The following GABBR2 variants were observed in gnomAD, a reference collection of about 807,000 sequenced individuals.
GABBR2 encodes gamma-aminobutyric acid type B receptor subunit 2, also known as G-protein coupled receptor 51.
GABBR2 carries 23 observed loss-of-function variants against 105.6 expected under a neutral mutation model. The ratio of observed to expected loss-of-function variants is 0.22; its 90% CI spans 0.16 to 0.31. The LOEUF (loss-of-function observed/expected upper bound fraction) is 0.31. Among genes scored for constraint, GABBR2 ranks in the 10% least tolerant of loss-of-function variants. GABBR2 has a pLI of 1.00. For missense variants in GABBR2, 734 were observed against 1,245.5 expected, an observed-to-expected ratio of 0.59 and a Z score of 6.18; for synonymous variants, 478 against 499.7, an observed-to-expected ratio of 0.96 and a Z score of 0.58.
At chr9:98,303,775 G>A (rs10119420) in intron 15 of GABBR2, among the ~76,000 whole-genome samples, 2,215 of 152,326 alleles carry the variant, frequency 0.015, 56 homozygotes, top group African/African-American at 0.049. Flanking sequence ...AATAAGCCCC[G>A]AGGGCAACAG....
chr9:98,406,062 T>C lies in GABBR2; in HGVS notation c.1297+19A>G. The C allele has an allele frequency of 7.4e-7, 1 of 1,343,972 alleles. No individual in the cohort carries two copies. The highest frequency in any genetic ancestry group is 1.1e-6 in the Non-Finnish European group (1 of 937,074). 83.3% of individuals were successfully genotyped at this position (1,343,972 alleles called of 1,614,324 possible). On this transcript the variant is annotated intron_variant, in intron 8 of 18. Coordinates refer to ENST00000259455, the MANE Select transcript of GABBR2 (RefSeq NM_005458.8). ...TCTAAATTTTATCAGCTAGAAAGAATAAGCATCAAAATGCCTACCTTGAAA... is the reference window on the plus strand; with the variant it reads ...TCTAAATTTTATCAGCTAGAAAGAACAAGCATCAAAATGCCTACCTTGAAA...
intron 1 of GABBR2, among the ~76,000 whole-genome samples, chr9:98,682,156 G>A (rs1294836304): frequency 1.3e-5 from 2 of 151,638 alleles, no homozygotes; most frequent in African/African-American, 4.8e-5. Flanking sequence ...GAACCCGGGA[G>A]GTGGAGGCTG....
At position 98,684,164 on chromosome 9, in the gene GABBR2, C is replaced by T. The variant is rs540997771; in HGVS notation, c.321+24253G>A. Among the ~76,000 whole-genome samples, 95 of 9,588 alleles carry T rather than the reference C, an allele frequency of 9.9e-3. 1 individual carries two copies. Among genetic ancestry groups the T allele is most frequent in the South Asian group, 0.022 (12 of 558 alleles). The allele number at this position is 9,588 out of a possible 152,430, so 6.3% of individuals were successfully genotyped here. A position where few individuals can be genotyped will look rare whatever the true frequency, so the allele number is the denominator to read the frequency against. ...AGGAAAAAAGAAGAATGCATTTTAC[C>T]ACGGTAAAAAAAAAAAAAAAAAAAA... On this transcript the variant is annotated intron_variant, in intron 1 of 18. Coordinates refer to ENST00000259455, the MANE Select transcript of GABBR2 (RefSeq NM_005458.8).
intron 1 of GABBR2, among the ~76,000 whole-genome samples, chr9:98,604,136 G>A (rs941495284): frequency 6.6e-6 from 1 of 152,148 alleles, no homozygotes; most frequent in Non-Finnish European, 1.5e-5. Context: ...CTTCCCAAGC[G>A]CTATTCCAGA....
intron 1 of GABBR2, among the ~76,000 whole-genome samples, chr9:98,678,661 A>G (rs1247296653): frequency 1.3e-5 from 2 of 152,208 alleles, no homozygotes; most frequent in African/African-American, 4.8e-5. Flanking sequence ...ATTAGTGCAT[A>G]CGGGGAGGTG....
chr9:98,508,216 C>T (rs553356214), intron 3 of GABBR2, among the ~76,000 whole-genome samples: 163 of 152,288 alleles, frequency 1.1e-3, no homozygotes, highest in Non-Finnish European at 1.1e-3. Flanking sequence ...AACTAGAAGA[C>T]GGATATTAAG....
chr9:98,503,602 T>C (rs975362440), intron 3 of GABBR2, among the ~76,000 whole-genome samples: 6 of 152,028 alleles, frequency 3.9e-5, no homozygotes, highest in Admixed American at 3.9e-4. Context: ...GGCTTGGGGG[T>C]ACATTCAGGA....
chr9:98,309,555 A>G (rs969590028), intron 14 of GABBR2, among the ~76,000 whole-genome samples: 1 of 152,194 alleles, frequency 6.6e-6, no homozygotes, highest in African/African-American at 2.4e-5. Flanking sequence ...TTACATGGAG[A>G]TGGAGTCTGC....
At chr9:98,693,908 G>A (rs577367758) in intron 1 of GABBR2, among the ~76,000 whole-genome samples, 1 of 152,340 alleles carries the variant, frequency 6.6e-6, no homozygotes, top group East Asian at 1.9e-4. Flanking sequence ...AAGCCCATCT[G>A]ATGGTTAAAA....
At chr9:98,705,869 G>T (rs368273787) in intron 1 of GABBR2, among the ~76,000 whole-genome samples, 2 of 152,140 alleles carry the variant, frequency 1.3e-5, no homozygotes, top group African/African-American at 4.8e-5. Context: ...CTGAGGTCGG[G>T]AGTTCAAGAC....
intron 13 of GABBR2, among the ~76,000 whole-genome samples, chr9:98,320,577 C>T (rs1830802112): frequency 6.6e-6 from 1 of 152,090 alleles, no homozygotes; most frequent in Admixed American, 6.5e-5. Context: ...TGGAACCAAC[C>T]CAAATGTCCA....
At chr9:98,342,094 C>T (rs1248797549) in intron 13 of GABBR2, among the ~76,000 whole-genome samples, 1 of 152,152 alleles carries the variant, frequency 6.6e-6, no homozygotes, top group African/African-American at 2.4e-5. Context: ...ATGATCAGTT[C>T]TGTGACCAGA....
At chr9:98,310,480 T>C (rs1408784652) in intron 14 of GABBR2, among the ~76,000 whole-genome samples, 1 of 152,116 alleles carries the variant, frequency 6.6e-6, no homozygotes, top group Non-Finnish European at 1.5e-5. Context: ...ACTCCTGACC[T>C]CAGGTGACCC....
chr9:98,506,949 T>C (rs538349869), intron 3 of GABBR2, among the ~76,000 whole-genome samples: 1 of 152,098 alleles, frequency 6.6e-6, no homozygotes, highest in South Asian at 2.1e-4. Flanking sequence ...TGTAGGCTGC[T>C]CCTCTCCCCA....
intron 9 of GABBR2, among the ~76,000 whole-genome samples, chr9:98,393,939 C>G (rs888756455): frequency 6.6e-6 from 1 of 152,228 alleles, no homozygotes; most frequent in Admixed American, 6.5e-5. Context: ...TCCTGGCCAT[C>G]CAATGGTTTA....
At chr9:98,465,137 A>AG (rs1826521529) in intron 6 of GABBR2, among the ~76,000 whole-genome samples, 1 of 149,468 alleles carries the variant, frequency 6.7e-6, no homozygotes, top group Non-Finnish European at 1.5e-5. Flanking sequence ...AAAAAAAAAA[A>AG]AAAAAAAAAA....
chr9:98,425,105 A>G (rs1173182147), intron 7 of GABBR2, among the ~76,000 whole-genome samples: 1 of 152,140 alleles, frequency 6.6e-6, no homozygotes, highest in African/African-American at 2.4e-5. Flanking sequence ...TATATATAAT[A>G]CATTTACATA....
At chr9:98,450,747 A>G (rs1337302012) in intron 7 of GABBR2, among the ~76,000 whole-genome samples, 1 of 152,222 alleles carries the variant, frequency 6.6e-6, no homozygotes, top group Admixed American at 6.5e-5. Flanking sequence ...GCAGACAAAA[A>G]TAGGTGCCAA....
chr9:98,303,059 G>T (rs535623025), intron 16 of GABBR2, among the ~76,000 whole-genome samples, 182 bp downstream of exon 16: 1 of 152,188 alleles, frequency 6.6e-6, no homozygotes, highest in African/African-American at 2.4e-5. Context: ...GCTCATGTTG[G>T]ATTCTGACAA....
Sources: allele counts gnomAD v4.1 joint callset (sites outside exome capture counted in the v4.1 genomes callset), GRCh38; gene constraint gnomAD v4.1.1; transcripts MANE v1.5; gene names NCBI Gene and HGNC (gene_info 2026-07-23, HGNC 2026-07-21).